Variants in DLX4 observed in about 807,000 individuals in gnomAD.
DLX4 encodes distal-less homeobox 4.
Under a neutral mutation model 17.1 loss-of-function variants are expected in DLX4, and 13 were observed. The ratio of observed to expected loss-of-function variants is 0.76; its 90% CI spans 0.49 to 1.21. The LOEUF (loss-of-function observed/expected upper bound fraction) is 1.21. Ranked by LOEUF, DLX4 falls within the 50% of genes most tolerant of loss-of-function variation. The probability of loss-of-function intolerance (pLI) is 0.00; values close to 1 mark genes in which losing one functional copy is unlikely to be tolerated. For missense variants in DLX4, 297 were observed against 301.4 expected, an observed-to-expected ratio of 0.99 and a Z score of 0.11; for synonymous variants, 129 against 140.3, an observed-to-expected ratio of 0.92 and a Z score of 0.57.
At position 49,974,617 on chromosome 17, in the gene DLX4, C is replaced by G. The variant is rs1187646044; in HGVS notation, c.*674C>G. 6.6e-6 allele frequency: 1 copy of G among 151,604 alleles called. No individual in the cohort carries two copies. Among genetic ancestry groups the G allele is most frequent in the Non-Finnish European group, 1.5e-5 (1 of 67,956 alleles). 9.4% of individuals were successfully genotyped at this position (151,604 alleles called of 1,614,324 possible). ...AAAAAAAAAGCCCTCTTTCCCACCC[C>G]CTCCCCATCTCCCCTTTTTGAATAG... On this transcript the variant is annotated 3_prime_UTR_variant, in exon 3 of 3. Transcript: ENST00000240306.
At position 49,974,015 on chromosome 17, in the gene DLX4, C is replaced by T; in HGVS notation, c.*72C>T. The T allele has an allele frequency of 6.8e-7, 1 of 1,480,812 alleles. No homozygotes were observed. Among genetic ancestry groups the T allele is most frequent in the Non-Finnish European group, 9.0e-7 (1 of 1,115,798 alleles). 91.7% of individuals were successfully genotyped at this position (1,480,812 alleles called of 1,614,324 possible). ...GGACCCAGGCAGTCCACCTGCACCCCTTCTGGGCTGGGAGGAAACCAGCTC... is the reference window on the plus strand; with the variant it reads ...GGACCCAGGCAGTCCACCTGCACCCTTTCTGGGCTGGGAGGAAACCAGCTC... On this transcript the variant is annotated 3_prime_UTR_variant, in exon 3 of 3. Coordinates refer to ENST00000240306, the MANE Select transcript of DLX4 (RefSeq NM_138281.3).
chr17:49,972,747 G>T lies in DLX4; in HGVS notation c.284-326G>T. The T allele has an allele frequency of 7.2e-7, 1 of 1,383,502 alleles. No homozygotes were observed. Among genetic ancestry groups the T allele is most frequent in the South Asian group, 1.8e-5 (1 of 56,426 alleles). 85.7% of individuals were successfully genotyped at this position (1,383,502 alleles called of 1,614,324 possible). On this transcript the variant is annotated intron_variant, in intron 1 of 2. Transcript: ENST00000240306. This position sits in a 1 kb window ranked among gnomAD's most constrained non-coding sequence, Gnocchi z 5.4. ...CCCCAAGCTGGCGCCACCGCCCGTG[G>T]CTGAACTCCGACCTCCCACCGCAGG... is the stretch of plus-strand genomic sequence containing the variant.
Position 49,974,364 on chromosome 17 carries a change from T to G in DLX4, c.*421T>G, listed in dbSNP as rs1905641646. On this transcript the variant is annotated 3_prime_UTR_variant, in exon 3 of 3. Transcript: ENST00000240306. Reference sequence around the variant, plus strand: ...CTGGGTGCAAAATCAGCAAGAAACATTGAGTATTTTTTTTTCTTTGTATGC... The same window carrying G: ...CTGGGTGCAAAATCAGCAAGAAACAGTGAGTATTTTTTTTTCTTTGTATGC... 6.4e-6 allele frequency: 1 copy of G among 156,534 alleles called. No individual in the cohort carries two copies. The highest frequency in any genetic ancestry group is 6.5e-5 in the Admixed American group (1 of 15,352). 9.7% of individuals were successfully genotyped at this position (156,534 alleles called of 1,614,324 possible).
chr17:49,972,983 GCAGAC>G lies in DLX4; in HGVS notation c.284-89_284-85del. On this transcript the variant is annotated intron_variant, in intron 1 of 2. Coordinates refer to ENST00000240306, the MANE Select transcript of DLX4 (RefSeq NM_138281.3). The surrounding 1 kb of genome is among the most constrained non-coding windows in gnomAD (Gnocchi z 5.4). Reference sequence around the variant, plus strand: ...TTTTGCTATTTGCTGCCGACGGCATGCAGACGAGATGCAAATAAGCTTATGAAACT... The same window carrying G: ...TTTTGCTATTTGCTGCCGACGGCATGGAGATGCAAATAAGCTTATGAAACT... The G allele has an allele frequency of 6.5e-7, 1 of 1,547,790 alleles. No homozygotes were observed. Among genetic ancestry groups the G allele is most frequent in the South Asian group, 1.2e-5 (1 of 81,574 alleles).
chr17:49,973,232 C>A lies in DLX4; in HGVS notation c.443C>A (p.Ala148Asp). ...HTQYLALPER[A>D]QLAAQLGLTQ... ...CAGTACCTGGCGCTGCCCGAGAGGG[C>A]CCAGCTGGCAGCGCAGCTCGGCCTC... The change falls in exon 2 of 3, where the codon GCC becomes GAC. Residue 148 changes from alanine to aspartate, a missense_variant. Coordinates refer to ENST00000240306, the MANE Select transcript of DLX4 (RefSeq NM_138281.3). The A allele has an allele frequency of 6.2e-7, 1 of 1,614,094 alleles. No homozygotes were observed. Among genetic ancestry groups the A allele is most frequent in the Non-Finnish European group, 8.5e-7 (1 of 1,180,032 alleles).
chr17:49,970,004 GC>G (rs1408924261), intron 1 of DLX4, among the ~76,000 whole-genome samples: 1 of 151,866 alleles, frequency 6.6e-6, no homozygotes, highest in African/African-American at 2.4e-5. Context: ...AGGCGAGAGG[GC>G]CCCCCCAACC....
Position 49,973,074 on chromosome 17 carries a change from C to G in DLX4, c.285C>G (p.Asp95Glu), listed in dbSNP as rs1288035592. 1 of 1,614,060 alleles carries G rather than the reference C, an allele frequency of 6.2e-7. No homozygotes were observed. The highest frequency in any genetic ancestry group is 8.5e-7 in the Non-Finnish European group (1 of 1,179,942). ...PAEHPQELEA[D>E]SEKPRLSPEP... Reference sequence around the variant, plus strand: ...ACACCGTGTTGTGCTGCCCACCAGACTCGGAGAAGCCGCGGCTGTCCCCGG... The same window carrying G: ...ACACCGTGTTGTGCTGCCCACCAGAGTCGGAGAAGCCGCGGCTGTCCCCGG... The change falls in exon 2 of 3, where the codon GAC (aspartate) becomes GAG (glutamate). Residue 95 changes from aspartate to glutamate, a missense_variant and splice_region_variant. Transcript: ENST00000240306.
chr17:49,971,526 C>A (rs1905503900), intron 1 of DLX4, among the ~76,000 whole-genome samples: 1 of 152,126 alleles, frequency 6.6e-6, no homozygotes, highest in African/African-American at 2.4e-5. Flanking sequence ...CTTGCTGGAA[C>A]TGGGGTAGGG....
At position 49,974,539 on chromosome 17, in the gene DLX4, A is replaced by G. The variant is rs1419858411; in HGVS notation, c.*596A>G. 6.7e-6 allele frequency: 1 copy of G among 149,852 alleles called. No homozygotes were observed. Among genetic ancestry groups the G allele is most frequent in the Non-Finnish European group, 1.5e-5 (1 of 67,566 alleles). 9.3% of individuals were successfully genotyped at this position (149,852 alleles called of 1,614,324 possible). On this transcript the variant is annotated 3_prime_UTR_variant, in exon 3 of 3. Transcript: ENST00000240306. ...ATACTGGGAGGTAGAAGAGATGCAG[A>G]GAAATGTGGAATTTGTGGACCTATG...
chr17:49,969,435 G>A lies in DLX4; in HGVS notation c.-34G>A. The A allele has an allele frequency of 6.7e-7, 1 of 1,483,842 alleles. No individual in the cohort carries two copies. The highest frequency in any genetic ancestry group is 8.9e-7 in the Non-Finnish European group (1 of 1,122,974). 91.9% of individuals were successfully genotyped at this position (1,483,842 alleles called of 1,614,324 possible). A position where few individuals can be genotyped will look rare whatever the true frequency, so the allele number is the denominator to read the frequency against. ...TGGCAGCGGGAGCGGACTACGTGCC[G>A]GGCCATGGCCCTTCTGCCCGGGCCC... On this transcript the variant is annotated 5_prime_UTR_variant, in exon 1 of 3. Transcript: ENST00000240306.
rs546253896 is a variant in DLX4 at position 49,970,706 on chromosome 17, C to T, written c.283+955C>T. Among the ~76,000 whole-genome samples the T allele has an allele frequency of 5.2e-4, 79 of 152,314 alleles. 1 individual carries two copies. The highest frequency in any genetic ancestry group is 1.4e-3 in the African/African-American group (59 of 41,566). ...CTCTCTGCCTCCATCTAATTGCTCA[C>T]CCCCTCCTCCTGCAATTGTCTTTGG... On this transcript the variant is annotated intron_variant, in intron 1 of 2. Coordinates refer to ENST00000240306, the MANE Select transcript of DLX4 (RefSeq NM_138281.3).
At chr17:49,971,027 G>A (rs1251369442) in intron 1 of DLX4, among the ~76,000 whole-genome samples, 2 of 152,200 alleles carry the variant, frequency 1.3e-5, no homozygotes, top group Non-Finnish European at 2.9e-5. Context: ...CAGTTGCAGG[G>A]AGGAGTAGTT....
Position 49,972,812 on chromosome 17 carries a change from C to A in DLX4, c.284-261C>A. The stretch of plus-strand genomic sequence containing the variant: ...GGCTGTGGCCCTCGGCGCTTTCTTC[C>A]TAGGGTCACAGGACCCATACGAGTG... On this transcript the variant is annotated intron_variant, in intron 1 of 2. Transcript: ENST00000240306. The surrounding 1 kb of genome is among the most constrained non-coding windows in gnomAD (Gnocchi z 5.4). The A allele has an allele frequency of 2.1e-6, 3 of 1,397,720 alleles. No individual in the cohort carries two copies. The highest frequency in any genetic ancestry group is 1.9e-6 in the Non-Finnish European group (2 of 1,078,648). 86.6% of individuals were successfully genotyped at this position (1,397,720 alleles called of 1,614,324 possible).
chr17:49,974,325 A>C lies in DLX4; in HGVS notation c.*382A>C. On this transcript the variant is annotated 3_prime_UTR_variant, in exon 3 of 3. Coordinates refer to ENST00000240306, the MANE Select transcript of DLX4 (RefSeq NM_138281.3). ...TCCCTGCTTTCTTGAAAAGGACTGA[A>C]TCGCCACTACAGCCTGGGTGCAAAA... is the stretch of plus-strand genomic sequence containing the variant. 1 of 170,310 alleles carries C rather than the reference A, an allele frequency of 5.9e-6. No individual in the cohort carries two copies. The highest frequency in any genetic ancestry group is 1.2e-5 in the Non-Finnish European group (1 of 80,512). 10.5% of individuals were successfully genotyped at this position (170,310 alleles called of 1,614,324 possible). A position where few individuals can be genotyped will look rare whatever the true frequency, so the allele number is the denominator to read the frequency against.
In DLX4 at chr17:49,969,599, A is replaced by G. The variant is rs61749026; in HGVS notation, c.131A>G (p.Asn44Ser). 80,470 of 1,612,840 alleles carry G rather than the reference A, an allele frequency of 0.05. 2,379 individuals are homozygous for G. The highest frequency in any genetic ancestry group is 0.054 in the Non-Finnish European group (64,272 of 1,179,768). The change falls in exon 1 of 3, where the codon AAT becomes AGT. Residue 44 changes from asparagine to serine, a missense_variant. Coordinates refer to ENST00000240306, the MANE Select transcript of DLX4 (RefSeq NM_138281.3). ...TCCCCTACAACCGCAGCCTCCCCCAATTTGTCCTACTCCAGGCCGTATGGC... is the reference window on the plus strand; with the variant it reads ...TCCCCTACAACCGCAGCCTCCCCCAGTTTGTCCTACTCCAGGCCGTATGGC... ...GLSPTTAASP[N>S]LSYSRPYGHL...
At chr17:49,971,302 C>G (rs1905493685) in intron 1 of DLX4, among the ~76,000 whole-genome samples, 2 of 152,324 alleles carry the variant, frequency 1.3e-5, no homozygotes, top group South Asian at 2.1e-4. Context: ...TAGCATTTCT[C>G]TGCTGGAACT....
intron 1 of DLX4, among the ~76,000 whole-genome samples, chr17:49,970,455 T>C (rs1905467362): frequency 6.6e-6 from 1 of 152,218 alleles, no homozygotes; most frequent in African/African-American, 2.4e-5. Context: ...CGGCCATCGC[T>C]GTCATCTCCA....
At position 49,973,945 on chromosome 17, in the gene DLX4, T is replaced by A; in HGVS notation, c.*2T>A. ...CTGGCTTCGCCTCAGATGATGTGAA[T>A]CTGGGGAAGGGCGGGTCAGGCCCAC... is the stretch of plus-strand genomic sequence containing the variant. On this transcript the variant is annotated 3_prime_UTR_variant, in exon 3 of 3. Transcript: ENST00000240306. The A allele has an allele frequency of 6.3e-7, 1 of 1,599,478 alleles. No homozygotes were observed. The highest frequency in any genetic ancestry group is 8.5e-7 in the Non-Finnish European group (1 of 1,174,260).
Position 49,969,497 on chromosome 17 carries a change from G to T in DLX4, c.29G>T (p.Gly10Val). 1 of 1,603,252 alleles carries T rather than the reference G, an allele frequency of 6.2e-7. No homozygotes were observed. ...ACCTCTTTGCCCTGCCCCCTCCCCG[G>T]CCGGGACGCCTCCAAAGCTGTCTTC... MTSLPCPLPGRDASKAVFPD... is the reference protein window; with the variant it reads MTSLPCPLPVRDASKAVFPD... The change falls in exon 1 of 3, where the codon GGC becomes GTC. Residue 10 changes from glycine (G) to valine (V), a missense_variant. By Grantham distance (109) the Gly-to-Val change is moderately radical (BLOSUM62 -3). Coordinates refer to ENST00000240306, the MANE Select transcript of DLX4 (RefSeq NM_138281.3).
Sources: allele counts gnomAD v4.1 joint callset (sites outside exome capture counted in the v4.1 genomes callset), GRCh38; gene constraint gnomAD v4.1.1; non-coding constraint Gnocchi (gnomAD v3.1); transcripts MANE v1.5; gene names NCBI Gene and HGNC (gene_info 2026-07-23, HGNC 2026-07-21).